Variants in ARMC1 observed in about 807,000 individuals in gnomAD.
ARMC1 encodes the protein armadillo repeat containing 1, also known as armadillo repeat-containing protein 1.
Under a neutral mutation model 31.4 loss-of-function variants are expected in ARMC1, and 16 were observed. That is an observed-to-expected ratio of 0.51 (90% CI 0.34 to 0.77). The LOEUF (loss-of-function observed/expected upper bound fraction) is 0.77, where lower values mean the gene tolerates loss of function less well. Ranked by LOEUF, ARMC1 falls within the 30% of genes least tolerant of loss-of-function variation. ARMC1 has a pLI of 0.01. For synonymous variants in ARMC1, 114 were observed against 118.9 expected, an observed-to-expected ratio of 0.96 and a Z score of 0.27; for missense variants, 259 against 347.5, an observed-to-expected ratio of 0.75 and a Z score of 2.02.
In ARMC1 at chr8:65,613,228, A is replaced by G; in HGVS notation, c.465+16T>C. 1 of 1,556,652 alleles carries G rather than the reference A, an allele frequency of 6.4e-7. No homozygotes were observed. Among genetic ancestry groups the G allele is most frequent in the Non-Finnish European group, 8.7e-7 (1 of 1,154,538 alleles). On this transcript the variant is annotated intron_variant, in intron 4 of 6. Coordinates refer to ENST00000276569, the MANE Select transcript of ARMC1 (RefSeq NM_018120.6). ...TCAGTAAACATGATTTCTCTTTCCCATCTAACAGACCTTACCGTATCATCA... is the reference window on the plus strand; with the variant it reads ...TCAGTAAACATGATTTCTCTTTCCCGTCTAACAGACCTTACCGTATCATCA...
chr8:65,612,585 C>T (rs908485936), intron 4 of ARMC1, among the ~76,000 whole-genome samples: 12 of 152,008 alleles, frequency 7.9e-5, no homozygotes, highest in African/African-American at 2.2e-4. Context: ...TGCTTTGGGC[C>T]GGGCATGGTG....
intron 3 of ARMC1, among the ~76,000 whole-genome samples, chr8:65,618,573 C>T (rs79125570): frequency 0.021 from 3,081 of 149,992 alleles, 43 homozygotes; most frequent in Non-Finnish European, 0.034. Flanking sequence ...CAGAAAACTC[C>T]AAGTGAAAAG....
At chr8:65,606,840 T>C (rs1307414248) in intron 4 of ARMC1, among the ~76,000 whole-genome samples, 1 of 152,216 alleles carries the variant, frequency 6.6e-6, no homozygotes, top group Non-Finnish European at 1.5e-5. Flanking sequence ...GTCAGACATA[T>C]CCACTTGACC....
intron 4 of ARMC1, among the ~76,000 whole-genome samples, chr8:65,611,259 G>C (rs1014857795): frequency 5.9e-5 from 9 of 152,164 alleles, no homozygotes; most frequent in Admixed American, 3.9e-4. Flanking sequence ...GATGTCTGTA[G>C]GATCTATAGT....
Position 65,622,351 on chromosome 8 carries a change from G to A in ARMC1, c.187C>T (p.Leu63Phe), listed in dbSNP as rs1808412042. The change falls in exon 3 of 7, where the codon CTT (leucine) becomes TTT (phenylalanine). Residue 63 changes from leucine (L) to phenylalanine (F), a missense_variant. Physicochemically the swap from Leu to Phe is conservative, Grantham distance 22 (BLOSUM62 0). Coordinates refer to ENST00000276569, the MANE Select transcript of ARMC1 (RefSeq NM_018120.6). ...GCACGGCATTCTGCCAAGTATCGAA[G>A]AGCCTACAGCAGAAGAAGTAATAAG... The part of the protein sequence containing the change: ...PPVVHSALLA[L>F]RYLAECRANR... 6.2e-7 allele frequency: 1 copy of A among 1,613,330 alleles called. No individual in the cohort carries two copies. Among genetic ancestry groups the A allele is most frequent in the African/African-American group, 1.3e-5 (1 of 74,930 alleles).
chr8:65,626,664 T>G (rs549109763), intron 2 of ARMC1, among the ~76,000 whole-genome samples: 30 of 152,232 alleles, frequency 2.0e-4, no homozygotes, highest in African/African-American at 6.7e-4. Context: ...TCCTCAAGAT[T>G]GTTAAATGAA....
chr8:65,613,020 C>A (rs1014981562), intron 4 of ARMC1, among the ~76,000 whole-genome samples: 4 of 151,940 alleles, frequency 2.6e-5, no homozygotes, highest in Non-Finnish European at 4.4e-5. Flanking sequence ...CTATTTCTCC[C>A]CATTTCTCTA....
chr8:65,621,609 A>G (rs1338912887), intron 3 of ARMC1, among the ~76,000 whole-genome samples: 1 of 152,080 alleles, frequency 6.6e-6, no homozygotes, highest in East Asian at 1.9e-4. Context: ...CCCAGGTTCA[A>G]GTGATTCTCC....
chr8:65,620,290 ATTACTTTTT>A (rs1334483603), intron 3 of ARMC1, among the ~76,000 whole-genome samples: 1 of 127,478 alleles, frequency 7.8e-6, no homozygotes, highest in Non-Finnish European at 1.6e-5. Flanking sequence ...TATTATTATT[ATTACTTTTT>A]TTTTTTTTTT....
chr8:65,619,225 G>A (rs1184043079), intron 3 of ARMC1, among the ~76,000 whole-genome samples: 1 of 152,078 alleles, frequency 6.6e-6, no homozygotes, highest in Non-Finnish European at 1.5e-5. Flanking sequence ...AAGCCCTAGA[G>A]GCAGTTAAGC....
At chr8:65,632,188 A>C (rs1247200796) in intron 1 of ARMC1, among the ~76,000 whole-genome samples, 2 of 152,114 alleles carry the variant, frequency 1.3e-5, no homozygotes, top group Non-Finnish European at 2.9e-5. Flanking sequence ...CCGGTAATCC[A>C]AGCACTTTGG....
chr8:65,609,243 C>T (rs1449141686), intron 4 of ARMC1, among the ~76,000 whole-genome samples: 3 of 150,820 alleles, frequency 2.0e-5, no homozygotes, highest in Admixed American at 6.6e-5. Flanking sequence ...GCTGAGATTA[C>T]AGGCATGTGC....
At chr8:65,620,897 C>G (rs1808381135) in intron 3 of ARMC1, among the ~76,000 whole-genome samples, 1 of 151,690 alleles carries the variant, frequency 6.6e-6, no homozygotes, top group African/African-American at 2.4e-5. Flanking sequence ...GATCCCAGGA[C>G]AGCAGCCTAG....
At chr8:65,625,082 T>C (rs532092740) in intron 2 of ARMC1, among the ~76,000 whole-genome samples, 40 of 152,292 alleles carry the variant, frequency 2.6e-4, no homozygotes, top group Non-Finnish European at 5.4e-4. Flanking sequence ...GATTGTGCCA[T>C]TGCTCTCCAG....
At position 65,616,824 on chromosome 8, in the gene ARMC1, CCTGT is replaced by C. The variant is rs1483098775; in HGVS notation, c.276-3395_276-3392del. On this transcript the variant is annotated intron_variant, in intron 3 of 6. Transcript: ENST00000276569. ...GTGAGGAGCGTCTCTGCCCGGCCGC[CCTGT>C]CTGAGAAGTGAGGAGCCCCTCCACC... 7.3e-5 allele frequency among the ~76,000 whole-genome samples: 11 copies of C among 150,556 alleles called. No homozygotes were observed. In the South Asian group the frequency reaches 1.5e-3, roughly 20 times the overall value.
chr8:65,627,606 C>G (rs376582687), intron 1 of ARMC1, among the ~76,000 whole-genome samples, 173 bp from the exon 2 acceptor site: 1 of 152,092 alleles, frequency 6.6e-6, no homozygotes, highest in Admixed American at 6.6e-5. Flanking sequence ...GAACGTAAGA[C>G]GACTGAAAAA....
At position 65,616,344 on chromosome 8, in the gene ARMC1, G is replaced by A. The variant is rs905767841; in HGVS notation, c.276-2911C>T. ...GAGAGGGGGTTTCGCTGTGTTGGCCGGGCTGGTCTCCAGCTCCTAACCACG... is the reference window on the plus strand; with the variant it reads ...GAGAGGGGGTTTCGCTGTGTTGGCCAGGCTGGTCTCCAGCTCCTAACCACG... On this transcript the variant is annotated intron_variant, in intron 3 of 6. Coordinates refer to ENST00000276569, the MANE Select transcript of ARMC1 (RefSeq NM_018120.6). Among the ~76,000 whole-genome samples, 7 of 152,308 alleles carry A rather than the reference G, an allele frequency of 4.6e-5. No homozygotes were observed. In the South Asian group the frequency reaches 6.2e-4, roughly 14 times the overall value.
rs1807922302 is a variant in ARMC1 at position 65,602,848 on chromosome 8, T to C, written c.*1546A>G. 1.3e-5 allele frequency: 2 copies of C among 151,060 alleles called. No individual in the cohort carries two copies. The highest frequency in any genetic ancestry group is 6.6e-5 in the Admixed American group (1 of 15,140). 9.4% of individuals were successfully genotyped at this position (151,060 alleles called of 1,614,324 possible). ...TTTTTGTTTTTTTTTTTTCAGTTTG[T>C]GCGTGTCACTTGAATCAGAAACCAA... On this transcript the variant is annotated 3_prime_UTR_variant, in exon 7 of 7. Transcript: ENST00000276569.
At chr8:65,609,912 A>ATAACC (rs965564099) in intron 4 of ARMC1, among the ~76,000 whole-genome samples, 4 of 149,830 alleles carry the variant, frequency 2.7e-5, no homozygotes, top group Non-Finnish European at 4.4e-5. Flanking sequence ...ATAATCTAAT[A>ATAACC]TAACCTACCT....
Sources: allele counts gnomAD v4.1 joint callset (sites outside exome capture counted in the v4.1 genomes callset), GRCh38; gene constraint gnomAD v4.1.1; transcripts MANE v1.5; gene names NCBI Gene and HGNC (gene_info 2026-07-23, HGNC 2026-07-21).